ALX4: variants seen among roughly 807,000 people sequenced by gnomAD.
ALX4 encodes homeobox protein aristaless-like 4.
In ALX4, 22 loss-of-function variants were observed where a neutral mutation model predicts 40.6. The ratio of observed to expected loss-of-function variants is 0.54; its 90% confidence interval spans 0.39 to 0.77. The LOEUF (loss-of-function observed/expected upper bound fraction) is 0.77, where lower values mean the gene tolerates loss of function less well. Among genes scored for constraint, ALX4 ranks in the 30% least tolerant of loss-of-function variants. The pLI is 0.00. For synonymous variants in ALX4, 266 were observed against 240.5 expected, an observed-to-expected ratio of 1.11 and a Z score of -0.98; for missense variants, 556 against 564.8, an observed-to-expected ratio of 0.98 and a Z score of 0.16.
intron 1 of ALX4, among the ~76,000 whole-genome samples, chr11:44,276,527 A>C (rs1956279189): frequency 1.3e-5 from 2 of 152,166 alleles, no homozygotes; most frequent in South Asian, 4.1e-4. Context: ...CATACACATC[A>C]AGAAAGAAGA....
At chr11:44,289,656 C>G (rs901492233) in intron 1 of ALX4, among the ~76,000 whole-genome samples, 3 of 152,172 alleles carry the variant, frequency 2.0e-5, no homozygotes, top group Non-Finnish European at 4.4e-5. Context: ...TCATTTCTAT[C>G]TCAAAGGACT....
chr11:44,270,540 C>T (rs1956239994), intron 2 of ALX4, among the ~76,000 whole-genome samples: 2 of 152,080 alleles, frequency 1.3e-5, no homozygotes. Flanking sequence ...TCCTCACGAC[C>T]CCTTCTATGC....
At chr11:44,273,190 TAAAAA>T (rs35856858) in intron 2 of ALX4, among the ~76,000 whole-genome samples, 6 of 137,610 alleles carry the variant, frequency 4.4e-5, no homozygotes, top group African/African-American at 8.1e-5. Context: ...CTTTGCTGAT[TAAAAA>T]AAAAAAAAAA....
chr11:44,274,869 A>G (rs984788802), intron 2 of ALX4, among the ~76,000 whole-genome samples: 3 of 152,186 alleles, frequency 2.0e-5, no homozygotes, highest in Admixed American at 6.5e-5. Context: ...GACTTGAAAA[A>G]TGGAGGGGGA....
In ALX4 at chr11:44,275,625, G is replaced by A; in HGVS notation, c.500C>T (p.Pro167Leu). The stretch of plus-strand genomic sequence containing the variant: ...CATCCCCACAGTGTCAGAGTCAGGG[G>A]GTAACTCTGGCTCACCCAGGGAGCT... ...KESSLGEPEL[P>L]PDSDTVGMDS... The change falls in exon 2 of 4, where the codon CCC (proline) becomes CTC (leucine). Residue 167 changes from proline (P) to leucine (L), a missense_variant. Physicochemically the swap from Pro to Leu is moderately conservative, Grantham distance 98. Coordinates refer to ENST00000652299, the MANE Select transcript of ALX4 (RefSeq NM_021926.4). 5.0e-6 allele frequency: 8 copies of A among 1,613,484 alleles called. No homozygotes were observed. The highest frequency in any genetic ancestry group is 1.3e-5 in the African/African-American group (1 of 75,018).
At chr11:44,276,157 T>C (rs1956276870) in intron 1 of ALX4, among the ~76,000 whole-genome samples, 1 of 152,214 alleles carries the variant, frequency 6.6e-6, no homozygotes, top group South Asian at 2.1e-4. Flanking sequence ...CCTCCTTTCC[T>C]GGCCTAGTCC....
chr11:44,266,594 G>A (rs1045298964), intron 3 of ALX4, among the ~76,000 whole-genome samples: 3 of 152,174 alleles, frequency 2.0e-5, no homozygotes, highest in African/African-American at 4.8e-5. Context: ...AGGGGCGCCC[G>A]TGCTACTGGC....
intron 1 of ALX4, among the ~76,000 whole-genome samples, chr11:44,295,726 C>T (rs1326558189): frequency 6.6e-6 from 1 of 152,218 alleles, no homozygotes; most frequent in Admixed American, 6.5e-5. Flanking sequence ...CTCCAAGCTC[C>T]GCTGGAAGGA....
At chr11:44,269,799 A>G (rs1429235297) in intron 2 of ALX4, among the ~76,000 whole-genome samples, 1 of 152,182 alleles carries the variant, frequency 6.6e-6, no homozygotes, top group Admixed American at 6.5e-5. Flanking sequence ...CCAGGATGAG[A>G]GAATGAATCA....
At chr11:44,300,622 GAC>G (rs949700550) in intron 1 of ALX4, among the ~76,000 whole-genome samples, 3 of 152,172 alleles carry the variant, frequency 2.0e-5, no homozygotes, top group Non-Finnish European at 4.4e-5. Context: ...GTACGGGGCA[GAC>G]ACACTACCTC....
chr11:44,271,290 A>G (rs1435176991), intron 2 of ALX4, among the ~76,000 whole-genome samples: 3 of 152,208 alleles, frequency 2.0e-5, no homozygotes, highest in Non-Finnish European at 2.9e-5. Context: ...ACAGCAAACT[A>G]AAGTCAAAGA....
At chr11:44,288,690 A>G (rs550240158) in intron 1 of ALX4, among the ~76,000 whole-genome samples, 6 of 152,214 alleles carry the variant, frequency 3.9e-5, no homozygotes, top group African/African-American at 7.2e-5. Context: ...CTGTGACCCA[A>G]TTAGAACATG....
rs181513292 is a variant in ALX4 at position 44,304,501 on chromosome 11, C to G, written c.466+5096G>C. On this transcript the variant is annotated intron_variant, in intron 1 of 3. Transcript: ENST00000652299. ...CTCACCAAGGCAGGGCGCGCCCCCC[C>G]CATGAATCATCCCAAGGCCTCTGAG... 3.2e-3 allele frequency among the ~76,000 whole-genome samples: 481 copies of G among 152,266 alleles called. 5 individuals carry two copies. The highest frequency in any genetic ancestry group is 0.011 in the African/African-American group (462 of 41,558).
chr11:44,309,562 G>A, intron 1 of ALX4, 35 bp downstream of exon 1: 1 of 1,550,468 alleles, frequency 6.4e-7, no homozygotes, highest in Non-Finnish European at 8.6e-7. Context: ...GCACCCCGTG[G>A]TCCCCAGCAC....
rs745388939 is a variant in ALX4, at chr11:44,267,634, G to A, written c.778-12C>T. ...TTCTGGAACCAGACCTACAAGACGC[G>A]AAAAAGCCATTGTCACCAGGGTGAG... is the stretch of plus-strand genomic sequence containing the variant. On this transcript the variant is annotated splice_polypyrimidine_tract_variant and intron_variant, in intron 2 of 3. Transcript: ENST00000652299. 4.1e-5 allele frequency: 66 copies of A among 1,613,858 alleles called. No individual in the cohort carries two copies. The highest frequency in any genetic ancestry group is 2.4e-4 in the African/African-American group (18 of 74,896).
At chr11:44,270,599 C>T (rs1352541883) in intron 2 of ALX4, among the ~76,000 whole-genome samples, 4 of 152,110 alleles carry the variant, frequency 2.6e-5, no homozygotes, top group African/African-American at 7.2e-5. Context: ...TTTCTGACCC[C>T]TGGCGCCCCA....
chr11:44,288,454 G>C (rs182403501), intron 1 of ALX4, among the ~76,000 whole-genome samples: 42 of 152,152 alleles, frequency 2.8e-4, no homozygotes, highest in Non-Finnish European at 4.7e-4. Flanking sequence ...TGGAAAGAAG[G>C]CACCTTCCCT....
rs1554944620 is a variant in ALX4 at position 44,271,157 on chromosome 11, A to AT, written c.778-3536_778-3535insA. 7.2e-5 allele frequency among the ~76,000 whole-genome samples: 9 copies of AT among 124,978 alleles called. No individual in the cohort carries two copies. The South Asian group carries it at 2.7e-3, about 37-fold the overall frequency. 82.0% of individuals were successfully genotyped at this position (124,978 alleles called of 152,430 possible). A position where few individuals can be genotyped will look rare whatever the true frequency, so the allele number is the denominator to read the frequency against. On this transcript the variant is annotated intron_variant, in intron 2 of 3. Transcript: ENST00000652299. ...CAGGGGGTTCCATCACCACCCCCTT[A>AT]CCCCCCCAGGGCACTGCCAGGCTTA... is the stretch of plus-strand genomic sequence containing the variant.
At chr11:44,285,076 T>C (rs1194133064) in intron 1 of ALX4, among the ~76,000 whole-genome samples, 2 of 152,184 alleles carry the variant, frequency 1.3e-5, no homozygotes, top group Non-Finnish European at 2.9e-5. Flanking sequence ...GCTATTCTCC[T>C]GCCGCAGCCT....
Sources: gnomAD v4.1 joint callset for allele counts (sites outside exome capture counted in the v4.1 genomes callset) on GRCh38, gnomAD v4.1.1 for gene constraint, MANE v1.5 for transcripts, NCBI Gene and HGNC (gene_info 2026-07-23, HGNC 2026-07-21) for gene names.